PLCB1: variants seen among roughly 807,000 people sequenced by gnomAD.
PLCB1 encodes 1-phosphatidylinositol 4,5-bisphosphate phosphodiesterase beta-1.
A neutral mutation model predicts 161.8 loss-of-function variants in PLCB1; 46 were observed. The observed-to-expected ratio is 0.28, with a 90% CI of 0.22 to 0.36. The LOEUF is 0.36. Ranked by LOEUF, PLCB1 falls within the 10% of genes least tolerant of loss-of-function variation. PLCB1 has a pLI of 1.00. For missense variants in PLCB1, 1,016 were observed against 1,472.5 expected, an observed-to-expected ratio of 0.69 and a Z score of 5.07; for synonymous variants, 517 against 503.7, an observed-to-expected ratio of 1.03 and a Z score of -0.35.
intron 3 of PLCB1, among the ~76,000 whole-genome samples, chr20:8,589,040 G>A (rs1987070488): frequency 6.6e-6 from 1 of 152,158 alleles, no homozygotes; most frequent in Non-Finnish European, 1.5e-5. Context: ...GTCAGCAAGG[G>A]GGAGAGACTG....
intron 18 of PLCB1, among the ~76,000 whole-genome samples, chr20:8,731,316 T>C (rs1329507122): frequency 6.6e-6 from 1 of 151,970 alleles, no homozygotes; most frequent in African/African-American, 2.4e-5. Context: ...TATTTATCTT[T>C]ACATTAGAAA....
chr20:8,350,408 A>G (rs1364892170), intron 2 of PLCB1, among the ~76,000 whole-genome samples: 1 of 152,212 alleles, frequency 6.6e-6, no homozygotes, highest in Non-Finnish European at 1.5e-5. Flanking sequence ...ATGTCCCTGT[A>G]AAGGACATGA....
rs145847589 is a variant in PLCB1 at position 8,317,618 on chromosome 20, G to A, written c.178-53764G>A. Reference sequence around the variant, plus strand: ...TCAAAAGAAAAATGCAAATTCTAAGGCATTCTTATGCCCCAGTTTTGACCA... The same window carrying A: ...TCAAAAGAAAAATGCAAATTCTAAGACATTCTTATGCCCCAGTTTTGACCA... On this transcript the variant is annotated intron_variant, in intron 2 of 31. Coordinates refer to ENST00000338037, the MANE Select transcript of PLCB1 (RefSeq NM_015192.4). 5.7e-4 allele frequency among the ~76,000 whole-genome samples: 86 copies of A among 152,042 alleles called. No individual in the cohort carries two copies. In the East Asian group the frequency reaches 0.013, roughly 23 times the overall value.
intron 18 of PLCB1, among the ~76,000 whole-genome samples, chr20:8,732,457 A>T (rs1158601031): frequency 6.6e-6 from 1 of 151,644 alleles, no homozygotes; most frequent in African/African-American, 2.4e-5. Context: ...TCAAAACATT[A>T]TAAGGGTGAA....
In PLCB1 at chr20:8,417,073, A is replaced by AT. The variant is rs3031852; in HGVS notation, c.246+45654dup. ...CACACACATATATATATATATATAT[A>AT]TTTTTTTTTTTTTTTTTTTTTTTTT... On this transcript the variant is annotated intron_variant, in intron 3 of 31. Transcript: ENST00000338037. Among the ~76,000 whole-genome samples, 25 of 39,888 alleles carry AT rather than the reference A, an allele frequency of 6.3e-4. 1 individual carries two copies. The highest frequency in any genetic ancestry group is 1.3e-3 in the South Asian group (1 of 756). 26.2% of individuals were successfully genotyped at this position (39,888 alleles called of 152,430 possible).
intron 2 of PLCB1, among the ~76,000 whole-genome samples, chr20:8,233,240 A>AG (rs11087793): frequency 0.75 from 114,299 of 151,580 alleles, 43,978 homozygotes; most frequent in African/African-American, 0.91. Context: ...ATATTCATCA[A>AG]TTGCTGGTCA....
intron 3 of PLCB1, among the ~76,000 whole-genome samples, chr20:8,500,998 T>C (rs1983380607): frequency 6.6e-6 from 1 of 152,190 alleles, no homozygotes; most frequent in South Asian, 2.1e-4. Context: ...CTTGCATTTA[T>C]AATACGCATT....
intron 4 of PLCB1, among the ~76,000 whole-genome samples, chr20:8,637,690 C>T (rs899674076): frequency 1.6e-4 from 24 of 152,154 alleles, no homozygotes; most frequent in Admixed American, 5.2e-4. Flanking sequence ...ATGTTCCCTT[C>T]GGAAAGCCAT....
At chr20:8,523,970 A>G (rs1380730061) in intron 3 of PLCB1, among the ~76,000 whole-genome samples, 1 of 152,186 alleles carries the variant, frequency 6.6e-6, no homozygotes, top group Admixed American at 6.5e-5. Context: ...TAACTAATTA[A>G]TTAATTGGTT....
intron 9 of PLCB1, among the ~76,000 whole-genome samples, chr20:8,678,572 T>C (rs1990144277): frequency 6.6e-6 from 1 of 152,200 alleles, no homozygotes; most frequent in African/African-American, 2.4e-5. Context: ...AACCCTTGGC[T>C]TCTCGACCAT....
At chr20:8,602,338 G>C (rs1371758059) in intron 3 of PLCB1, among the ~76,000 whole-genome samples, 1 of 152,078 alleles carries the variant, frequency 6.6e-6, no homozygotes, top group Admixed American at 6.5e-5. Flanking sequence ...ATTTAAAGAG[G>C]TGTAGAGATA....
intron 2 of PLCB1, among the ~76,000 whole-genome samples, chr20:8,242,307 G>A (rs1191396457): frequency 6.6e-6 from 1 of 151,884 alleles, no homozygotes. Flanking sequence ...TCTATCCCTG[G>A]TCCACTCAGC....
intron 3 of PLCB1, among the ~76,000 whole-genome samples, chr20:8,523,263 G>T (rs941322789): frequency 6.6e-6 from 1 of 151,598 alleles, no homozygotes; most frequent in Non-Finnish European, 1.5e-5. Flanking sequence ...AGACACTAGG[G>T]ATATAGTAGA....
intron 8 of PLCB1, among the ~76,000 whole-genome samples, chr20:8,657,600 G>A (rs538378268): frequency 5.9e-5 from 9 of 152,112 alleles, no homozygotes; most frequent in African/African-American, 1.7e-4. Context: ...GACTCATGTC[G>A]CAGGAAGAAC....
At chr20:8,224,344 T>C (rs1370876806) in intron 2 of PLCB1, among the ~76,000 whole-genome samples, 1 of 151,060 alleles carries the variant, frequency 6.6e-6, no homozygotes. Flanking sequence ...TTTTAATAAG[T>C]ACTTTGAATT....
At chr20:8,822,232 G>C (rs1045234292) in intron 31 of PLCB1, among the ~76,000 whole-genome samples, 1 of 152,124 alleles carries the variant, frequency 6.6e-6, no homozygotes, top group African/African-American at 2.4e-5. Flanking sequence ...GCAATAGAAG[G>C]TTGCATATAT....
chr20:8,610,052 A>G (rs77578426), intron 3 of PLCB1, among the ~76,000 whole-genome samples: 2 of 151,960 alleles, frequency 1.3e-5, no homozygotes, highest in Non-Finnish European at 2.9e-5. Context: ...ATTAATAAGC[A>G]TTCTTCCCTC....
At chr20:8,252,475 A>G (rs6133557) in intron 2 of PLCB1, among the ~76,000 whole-genome samples, 11,079 of 151,954 alleles carry the variant, frequency 0.073, 495 homozygotes, top group East Asian at 0.17. Context: ...AAAAAAAAAG[A>G]TGAAAAGTAG....
intron 31 of PLCB1, among the ~76,000 whole-genome samples, chr20:8,877,204 A>C (rs1987811547): frequency 6.6e-6 from 1 of 152,240 alleles, no homozygotes; most frequent in Non-Finnish European, 1.5e-5. Context: ...GAGGCAATCA[A>C]AAGGAAGCCC....
Sources: allele counts gnomAD v4.1 joint callset (sites outside exome capture counted in the v4.1 genomes callset), GRCh38; gene constraint gnomAD v4.1.1; transcripts MANE v1.5; gene names NCBI Gene and HGNC (gene_info 2026-07-23, HGNC 2026-07-21).